Variants in MAML2 observed in about 807,000 individuals in gnomAD.
The protein encoded by MAML2 is mastermind-like protein 2.
In MAML2, 22 loss-of-function variants were observed where a neutral mutation model predicts 96.1. That is an observed-to-expected ratio of 0.23 (90% confidence interval 0.16 to 0.33). The LOEUF is 0.33. Among genes scored for constraint, MAML2 ranks in the 10% least tolerant of loss-of-function variants. MAML2 has a pLI of 1.00. For missense variants in MAML2, 1,367 were observed against 1,392.4 expected, an observed-to-expected ratio of 0.98 and a Z score of 0.29; for synonymous variants, 561 against 521.3, an observed-to-expected ratio of 1.08 and a Z score of -1.04.
intron 1 of MAML2, among the ~76,000 whole-genome samples, chr11:96,110,990 T>G (rs376177339): frequency 1.3e-5 from 2 of 152,290 alleles, no homozygotes; most frequent in East Asian, 3.9e-4. Context: ...GATCTTTGGA[T>G]GCCTATCATG....
intron 4 of MAML2, among the ~76,000 whole-genome samples, chr11:95,981,807 G>A (rs1285019496): frequency 1.3e-5 from 2 of 152,138 alleles, no homozygotes; most frequent in Admixed American, 1.3e-4. Flanking sequence ...CATATCAAGG[G>A]AATTTATATT....
At chr11:96,182,162 G>T (rs1326771273) in intron 1 of MAML2, among the ~76,000 whole-genome samples, 1 of 151,252 alleles carries the variant, frequency 6.6e-6, no homozygotes, top group Non-Finnish European at 1.5e-5. Flanking sequence ...TGAATATAAG[G>T]TCTGCCTTAC....
chr11:96,262,493 A>T (rs1302891255), intron 1 of MAML2, among the ~76,000 whole-genome samples: 1 of 149,258 alleles, frequency 6.7e-6, no homozygotes, highest in Non-Finnish European at 1.5e-5. Flanking sequence ...TTTGAGATGG[A>T]GTCTCGCTCT....
At chr11:96,085,403 G>A (rs1359291324) in intron 2 of MAML2, among the ~76,000 whole-genome samples, 1 of 152,092 alleles carries the variant, frequency 6.6e-6, no homozygotes, top group Non-Finnish European at 1.5e-5. Flanking sequence ...CTGGCTAAAT[G>A]GGTTTTTGCC....
intron 1 of MAML2, among the ~76,000 whole-genome samples, chr11:96,322,805 T>G (rs984862501): frequency 1.3e-5 from 2 of 152,236 alleles, no homozygotes; most frequent in Admixed American, 1.3e-4. Flanking sequence ...TCTCTTCAGA[T>G]TCCTGAAACT....
chr11:96,286,781 T>G (rs1368950248), intron 1 of MAML2, among the ~76,000 whole-genome samples: 2 of 152,146 alleles, frequency 1.3e-5, no homozygotes, highest in Non-Finnish European at 2.9e-5. Flanking sequence ...TGAAAGATAA[T>G]TTTTTTCCAT....
intron 1 of MAML2, among the ~76,000 whole-genome samples, chr11:96,178,892 G>A (rs1259748712): frequency 6.6e-6 from 1 of 152,124 alleles, no homozygotes; most frequent in African/African-American, 2.4e-5. Context: ...GGGGGAAGAA[G>A]ATAATGCTTT....
At position 96,215,239 on chromosome 11, in the gene MAML2, G is replaced by A. The variant is rs575743606; in HGVS notation, c.514-121722C>T. On this transcript the variant is annotated intron_variant, in intron 1 of 4. Coordinates refer to ENST00000524717, the MANE Select transcript of MAML2 (RefSeq NM_032427.4). ...CAACTCAGAAATAAATCATCTGAGT[G>A]GACTGTATGCCCCTTGAAATGCTGG... is the stretch of plus-strand genomic sequence containing the variant. Among the ~76,000 whole-genome samples, 5 of 152,348 alleles carry A rather than the reference G, an allele frequency of 3.3e-5. No homozygotes were observed. The South Asian group carries it at 1.0e-3, about 32-fold the overall frequency.
chr11:96,045,156 G>A (rs1430754339), intron 2 of MAML2, among the ~76,000 whole-genome samples: 1 of 152,162 alleles, frequency 6.6e-6, no homozygotes, highest in East Asian at 1.9e-4. Context: ...TTGCTCAAAG[G>A]TTTTCCTGTA....
intron 1 of MAML2, among the ~76,000 whole-genome samples, chr11:96,199,196 C>CAAAAAAAA (rs71459791): frequency 3.4e-5 from 2 of 58,590 alleles, no homozygotes; most frequent in Non-Finnish European, 6.2e-5. Flanking sequence ...GCCTCCGTCT[C>CAAAAAAAA]AAAAAAAAAA....
chr11:96,274,386 C>G (rs771045789), intron 1 of MAML2, among the ~76,000 whole-genome samples: 10 of 151,970 alleles, frequency 6.6e-5, no homozygotes, highest in Middle Eastern at 3.4e-3. Flanking sequence ...CTGGCCCCTA[C>G]TTTTATAAAG....
At position 96,006,428 on chromosome 11, in the gene MAML2, C is replaced by T. The variant is rs534849096; in HGVS notation, c.2140-14705G>A. Among the ~76,000 whole-genome samples, 5 of 152,220 alleles carry T rather than the reference C, an allele frequency of 3.3e-5. No homozygotes were observed. The East Asian group carries it at 9.6e-4, about 29-fold the overall frequency. On this transcript the variant is annotated intron_variant, in intron 2 of 4. Coordinates refer to ENST00000524717, the MANE Select transcript of MAML2 (RefSeq NM_032427.4). ...CTTTTTTTTGGTCTGATTATTTTGT[C>T]TGTCTACATTGATCAAATAAGCGGT...
At chr11:96,314,214 C>T (rs538924240) in intron 1 of MAML2, among the ~76,000 whole-genome samples, 1 of 152,336 alleles carries the variant, frequency 6.6e-6, no homozygotes, top group South Asian at 2.1e-4. Flanking sequence ...AGACAGAAAA[C>T]CAATACCAAA....
chr11:96,046,182 A>G (rs1858898422), intron 2 of MAML2, among the ~76,000 whole-genome samples: 1 of 152,064 alleles, frequency 6.6e-6, no homozygotes, highest in South Asian at 2.1e-4. Flanking sequence ...TGACCAGCGC[A>G]GGTGAGGTAG....
At chr11:96,143,667 C>A (rs939326998) in intron 1 of MAML2, among the ~76,000 whole-genome samples, 1 of 152,168 alleles carries the variant, frequency 6.6e-6, no homozygotes, top group Non-Finnish European at 1.5e-5. Flanking sequence ...AAACTCCAAA[C>A]AACATTAATT....
At chr11:96,264,127 T>C (rs1198940574) in intron 1 of MAML2, among the ~76,000 whole-genome samples, 4 of 152,206 alleles carry the variant, frequency 2.6e-5, no homozygotes, top group African/African-American at 9.6e-5. Context: ...CCCACAATTA[T>C]CTCAGCAACT....
intron 2 of MAML2, among the ~76,000 whole-genome samples, chr11:96,007,995 G>A: frequency 6.8e-6 from 1 of 146,668 alleles, no homozygotes; most frequent in East Asian, 2.0e-4. Context: ...CCTGCACAAT[G>A]TGCACATGTA....
chr11:95,989,788 T>C (rs763639861), intron 3 of MAML2, among the ~76,000 whole-genome samples: 23 of 152,216 alleles, frequency 1.5e-4, no homozygotes, highest in Non-Finnish European at 3.2e-4. Context: ...TGTAATCTTA[T>C]TTCTCAATAT....
intron 1 of MAML2, among the ~76,000 whole-genome samples, chr11:96,308,804 C>T (rs1265286929): frequency 6.6e-6 from 1 of 152,110 alleles, no homozygotes; most frequent in Admixed American, 6.5e-5. Context: ...AATGTAAAGA[C>T]CTTGAAGCTG....
Sources: gnomAD v4.1 joint callset for allele counts (sites outside exome capture counted in the v4.1 genomes callset) on GRCh38, gnomAD v4.1.1 for gene constraint, MANE v1.5 for transcripts, NCBI Gene and HGNC (gene_info 2026-07-23, HGNC 2026-07-21) for gene names.